The following SEMA3A variants were observed in gnomAD, a reference collection of about 807,000 sequenced individuals.
SEMA3A encodes semaphorin-3A.
Under a neutral mutation model 97.9 loss-of-function variants are expected in SEMA3A, and 29 were observed. The observed-to-expected ratio is 0.30, with a 90% CI of 0.22 to 0.40. The LOEUF is 0.40. SEMA3A is among the 10% of genes least tolerant of loss of function. The pLI, the probability that SEMA3A is intolerant of heterozygous loss-of-function variation, is 1.00. For synonymous variants in SEMA3A, 321 were observed against 323.7 expected (o/e 0.99, Z 0.09); for missense variants, 763 against 951.3 (o/e 0.80, Z 2.60).
intron 3 of SEMA3A, chr7:84,306,611 C>A (rs1801161712): frequency 6.6e-6 from 1 of 152,172 alleles, no homozygotes; most frequent in East Asian, 1.9e-4. Context: ...TCCTGAGAAA[C>A]CTTTATGGTT....
At chr7:84,400,302 G>C (rs1464276728) in intron 1 of SEMA3A, among the ~76,000 whole-genome samples, 1 of 152,156 alleles carries the variant, frequency 6.6e-6, no homozygotes, top group Non-Finnish European at 1.5e-5. Context: ...TAAGGCACCA[G>C]TGACTAACCC....
chr7:84,115,938 A>C (rs1389927691), intron 3 of SEMA3A, among the ~76,000 whole-genome samples: 1 of 152,210 alleles, frequency 6.6e-6, no homozygotes, highest in Non-Finnish European at 1.5e-5. Context: ...TATTGTGGAC[A>C]AAATTATTTG....
rs149095321 is a variant in SEMA3A, at chr7:84,153,883, G to A, written c.113-18932C>T. Among the ~76,000 whole-genome samples, 12 of 152,026 alleles carry A rather than the reference G, an allele frequency of 7.9e-5. No homozygotes were observed. The East Asian group carries it at 1.9e-3, about 24-fold the overall frequency. On this transcript the variant is annotated intron_variant, in intron 1 of 16. Transcript: ENST00000265362. The stretch of plus-strand genomic sequence containing the variant: ...TTTGCATATTAAGAACAATTCACCC[G>A]TTTCTTTGCTTGAAGAAAGCAAACT...
At chr7:84,376,431 T>A in intron 1 of SEMA3A, among the ~76,000 whole-genome samples, 1 of 125,828 alleles carries the variant, frequency 7.9e-6, no homozygotes, top group African/African-American at 2.9e-5. Flanking sequence ...TGAAACCCCG[T>A]CTCTACTAAA....
chr7:84,460,586 T>G (rs1179774280), intron 1 of SEMA3A, among the ~76,000 whole-genome samples: 1 of 152,214 alleles, frequency 6.6e-6, no homozygotes, highest in African/African-American at 2.4e-5. Flanking sequence ...TATTCACAAT[T>G]TAAAGGTATA....
At chr7:84,059,379 T>A (rs1033106892) in intron 5 of SEMA3A, among the ~76,000 whole-genome samples, 2 of 152,026 alleles carry the variant, frequency 1.3e-5, no homozygotes, top group Non-Finnish European at 2.9e-5. Flanking sequence ...CAGTGAAACA[T>A]GGTGACAAAA....
intron 1 of SEMA3A, among the ~76,000 whole-genome samples, chr7:84,161,656 G>A (rs1323060734): frequency 6.6e-6 from 1 of 152,132 alleles, no homozygotes; most frequent in Non-Finnish European, 1.5e-5. Context: ...CTTGATTTAT[G>A]GAGAGAACTG....
intron 2 of SEMA3A, among the ~76,000 whole-genome samples, chr7:84,360,412 T>C (rs1177545536): frequency 2.0e-5 from 3 of 152,128 alleles, no homozygotes; most frequent in Admixed American, 1.3e-4. Context: ...CCAGTAGTCA[T>C]TCAGCAGCAG....
At chr7:84,213,873 C>T (rs145533798) in intron 3 of SEMA3A, among the ~76,000 whole-genome samples, 47 of 152,232 alleles carry the variant, frequency 3.1e-4, no homozygotes, top group African/African-American at 1.1e-3. Flanking sequence ...GGGAGGTTGC[C>T]CCAGCACTAT....
rs150425956 is a variant in SEMA3A at position 83,977,279 on chromosome 7, AATATAT to A, written c.1653-89_1653-84del. On this transcript the variant is annotated intron_variant, in intron 14 of 16. Transcript: ENST00000265362. Reference sequence around the variant, plus strand: ...TTGTCATAAGAATGAAGAGAAATAAAATATATATATATATATCATAGACTCTAGTAA... The same window carrying A: ...TTGTCATAAGAATGAAGAGAAATAAAATATATATATCATAGACTCTAGTAA... The A allele has an allele frequency of 5.0e-6, 3 of 600,708 alleles. No individual in the cohort carries two copies. In the African/African-American group the frequency reaches 5.8e-5, roughly 12 times the overall value. The allele number at this position is 600,708 out of a possible 1,614,324, so 37.2% of individuals were successfully genotyped here. A position where few individuals can be genotyped will look rare whatever the true frequency, so the allele number is the denominator to read the frequency against.
At chr7:84,346,623 C>T (rs1445444700) in intron 2 of SEMA3A, among the ~76,000 whole-genome samples, 3 of 152,002 alleles carry the variant, frequency 2.0e-5, no homozygotes, top group African/African-American at 2.4e-5. Context: ...TCAGAACACA[C>T]CAACATTTAT....
At chr7:84,058,632 G>C (rs1169686057) in intron 5 of SEMA3A, among the ~76,000 whole-genome samples, 1 of 152,140 alleles carries the variant, frequency 6.6e-6, no homozygotes, top group African/African-American at 2.4e-5. Context: ...AATGATTTCA[G>C]AAGTTAATTT....
chr7:84,348,980 T>C (rs1260039978), intron 2 of SEMA3A, among the ~76,000 whole-genome samples: 1 of 151,936 alleles, frequency 6.6e-6, no homozygotes, highest in African/African-American at 2.4e-5. Flanking sequence ...TGAGACTCCA[T>C]CTCAAAAAAA....
intron 3 of SEMA3A, among the ~76,000 whole-genome samples, chr7:84,211,538 T>C (rs1798628777): frequency 6.6e-6 from 1 of 151,910 alleles, no homozygotes; most frequent in Admixed American, 6.6e-5. Context: ...GGGGAACTGC[T>C]TGGAACCCAT....
At position 83,956,541 on chromosome 7, in the gene SEMA3A, AGAAG is replaced by A. The variant is rs1316375221; in HGVS notation, c.*4826_*4829del. 1 of 152,200 alleles carries A rather than the reference AGAAG, an allele frequency of 6.6e-6. No homozygotes were observed. The highest frequency in any genetic ancestry group is 2.4e-5 in the African/African-American group (1 of 41,438). 9.4% of individuals were successfully genotyped at this position (152,200 alleles called of 1,614,324 possible). A position where few individuals can be genotyped will look rare whatever the true frequency, so the allele number is the denominator to read the frequency against. ...GTAAAGATAAATGAGGTGAACATTAAGAAGGAAGGTAAAGAGATTGTGGGGTGGA... is the reference window on the plus strand; with the variant it reads ...GTAAAGATAAATGAGGTGAACATTAAGAAGGTAAAGAGATTGTGGGGTGGA... On this transcript the variant is annotated 3_prime_UTR_variant, in exon 17 of 17. Transcript: ENST00000265362.
intron 1 of SEMA3A, among the ~76,000 whole-genome samples, chr7:84,393,457 A>G (rs946671654): frequency 3.3e-5 from 5 of 152,166 alleles, no homozygotes; most frequent in Admixed American, 3.3e-4. Flanking sequence ...GTGAAAAGCA[A>G]TAGTAATTAC....
At chr7:84,104,766 C>A (rs1039933971) in intron 4 of SEMA3A, among the ~76,000 whole-genome samples, 4 of 141,690 alleles carry the variant, frequency 2.8e-5, no homozygotes, top group African/African-American at 5.5e-5. Context: ...ACAGTCCAAG[C>A]AAAAATACAC....
chr7:84,051,266 T>G (rs1307555398), intron 5 of SEMA3A, among the ~76,000 whole-genome samples: 2 of 152,042 alleles, frequency 1.3e-5, no homozygotes, highest in Non-Finnish European at 2.9e-5. Context: ...GGTAGCTTGA[T>G]GGGGATGGCA....
At chr7:84,321,111 G>A (rs1801632083) in intron 2 of SEMA3A, among the ~76,000 whole-genome samples, 2 of 151,998 alleles carry the variant, frequency 1.3e-5, no homozygotes, top group Admixed American at 6.5e-5. Context: ...AGTTTACCTC[G>A]AAAAAATCAA....
Sources: allele counts gnomAD v4.1 joint callset (sites outside exome capture counted in the v4.1 genomes callset), GRCh38; gene constraint gnomAD v4.1.1; transcripts MANE v1.5; gene names NCBI Gene and HGNC (gene_info 2026-07-23, HGNC 2026-07-21).